IFT81: variants seen among roughly 807,000 people sequenced by gnomAD.
The protein encoded by IFT81 is intraflagellar transport protein 81 homolog.
Under a neutral mutation model 102.6 loss-of-function variants are expected in IFT81, and 72 were observed. The observed-to-expected ratio is 0.70, with a 90% CI of 0.58 to 0.85. The LOEUF is 0.85. Ranked by LOEUF, IFT81 falls within the 40% of genes least tolerant of loss-of-function variation. The probability of loss-of-function intolerance (pLI) is 0.00; values close to 1 mark genes in which losing one functional copy is unlikely to be tolerated. For missense variants in IFT81, 723 were observed against 787.3 expected (o/e 0.92, Z 0.98); for synonymous variants, 237 against 242.7 (o/e 0.98, Z 0.22).
rs768031017 is a variant in IFT81, at chr12:110,190,884, G to C, written c.1339-36G>C. ...TTCTTATGGGAGCCAGCAAGATTTT[G>C]ACATGTTTTGTGGCCTTTTTATTTT... On this transcript the variant is annotated intron_variant, in intron 12 of 18. Coordinates refer to ENST00000242591, the MANE Select transcript of IFT81 (RefSeq NM_014055.4). 4 of 1,454,850 alleles carry C rather than the reference G, an allele frequency of 2.7e-6. No homozygotes were observed. In the Admixed American group the frequency reaches 1.1e-4, roughly 39 times the overall value. The allele number at this position is 1,454,850 out of a possible 1,614,324, so 90.1% of individuals were successfully genotyped here. A position where few individuals can be genotyped will look rare whatever the true frequency, so the allele number is the denominator to read the frequency against.
At chr12:110,209,013 G>A (rs756021789) in intron 17 of IFT81, among the ~76,000 whole-genome samples, 158 bp from the exon 18 acceptor site, 1 of 151,870 alleles carries the variant, frequency 6.6e-6, no homozygotes, top group African/African-American at 2.4e-5. Context: ...CTAAAGATGG[G>A]GAAAGACAAA....
chr12:110,135,693 C>T (rs1327665259), intron 7 of IFT81, among the ~76,000 whole-genome samples: 1 of 151,720 alleles, frequency 6.6e-6, no homozygotes, highest in Non-Finnish European at 1.5e-5. Context: ...ACAGTGAAAC[C>T]CTGTCTGTAC....
chr12:110,159,664 G>C (rs1208643946), intron 10 of IFT81, among the ~76,000 whole-genome samples: 1 of 152,188 alleles, frequency 6.6e-6, no homozygotes, highest in African/African-American at 2.4e-5. Context: ...GTAAGAGGGG[G>C]AGGGACTTGC....
In IFT81 at chr12:110,135,337, C is replaced by G; in HGVS notation, c.596C>G (p.Ala199Gly). The G allele has an allele frequency of 6.2e-7, 1 of 1,609,508 alleles. No homozygotes were observed. Among genetic ancestry groups the G allele is most frequent in the African/African-American group, 1.3e-5 (1 of 74,804 alleles). ...ATTCCCTTACTGTAGGTTGAGACAG[C>G]TCAGAATCATCAATGGATGCTTAAA... ...VEHLKKRVET[A>G]QNHQWMLKIA... Residue 199 changes from alanine (A) to glycine (G), a missense_variant, in exon 7 of 19, where the codon GCT becomes GGT. Ala to Gly is a moderately conservative substitution (Grantham distance 60). Coordinates refer to ENST00000242591, the MANE Select transcript of IFT81 (RefSeq NM_014055.4).
intron 12 of IFT81, 23 bp from the exon 13 acceptor site, chr12:110,190,897 G>A (rs1300104516): frequency 6.7e-7 from 1 of 1,481,858 alleles, no homozygotes; most frequent in African/African-American, 1.4e-5. Flanking sequence ...ATGTTTTGTG[G>A]CCTTTTTATT....
intron 10 of IFT81, among the ~76,000 whole-genome samples, chr12:110,155,981 T>C (rs943517538): frequency 6.6e-6 from 1 of 152,222 alleles, no homozygotes; most frequent in Non-Finnish European, 1.5e-5. Context: ...CTTTCAGTTG[T>C]TCATGTCACA....
At chr12:110,139,800 C>CAATAA (rs1271952257) in intron 8 of IFT81, among the ~76,000 whole-genome samples, 11 of 89,630 alleles carry the variant, frequency 1.2e-4, no homozygotes, top group African/African-American at 2.6e-4. Context: ...TACATACATA[C>CAATAA]AATAAAATAA....
chr12:110,127,927 GT>G (rs1435735197), intron 2 of IFT81, 118 bp from the exon 3 acceptor site: 1 of 694,716 alleles, frequency 1.4e-6, no homozygotes, highest in Non-Finnish European at 2.5e-6. Flanking sequence ...TCCTTAATCT[GT>G]TTTATGAAGA....
chr12:110,153,243 T>C (rs1283641462), intron 10 of IFT81, among the ~76,000 whole-genome samples: 1 of 152,218 alleles, frequency 6.6e-6, no homozygotes, highest in Non-Finnish European at 1.5e-5. Context: ...TTTTTACTGT[T>C]TTATTTTTGA....
At chr12:110,162,331 C>CTTTTTTTTTTTTTTTTTTTTTTTTT (rs1160267123) in intron 10 of IFT81, 3 of 100,078 alleles carry the variant, frequency 3.0e-5, no homozygotes, top group African/African-American at 4.3e-5. Context: ...TAATATTTTT[C>CTTTTTTTTTTTTTTTTTTTTTTTTT]TTTTTTTTTT....
At chr12:110,169,779 G>C (rs1433502953) in intron 11 of IFT81, among the ~76,000 whole-genome samples, 1 of 151,064 alleles carries the variant, frequency 6.6e-6, no homozygotes, top group Non-Finnish European at 1.5e-5. Context: ...GCCAGGCTGG[G>C]CTTGAACTCC....
At chr12:110,184,655 C>T (rs1278543577) in intron 12 of IFT81, among the ~76,000 whole-genome samples, 1 of 152,202 alleles carries the variant, frequency 6.6e-6, no homozygotes, top group Non-Finnish European at 1.5e-5. Flanking sequence ...ACAGGTCTGA[C>T]ACCTGTGAAA....
intron 18 of IFT81, among the ~76,000 whole-genome samples, chr12:110,217,696 G>A (rs1049827398): frequency 6.6e-6 from 1 of 152,000 alleles, no homozygotes; most frequent in Non-Finnish European, 1.5e-5. Context: ...CGAGTAGCTG[G>A]GACTACAGGC....
At chr12:110,151,790 G>A (rs1256921030) in intron 10 of IFT81, among the ~76,000 whole-genome samples, 2 of 152,002 alleles carry the variant, frequency 1.3e-5, no homozygotes, top group Non-Finnish European at 2.9e-5. Context: ...TGTATCCTTT[G>A]ACCAGTATCT....
At position 110,143,427 on chromosome 12, in the gene IFT81, T is replaced by C. The variant is rs368690243; in HGVS notation, c.827T>C (p.Met276Thr). 2.7e-6 allele frequency: 4 copies of C among 1,493,448 alleles called. No individual in the cohort carries two copies. Among genetic ancestry groups the C allele is most frequent in the African/African-American group, 2.9e-5 (2 of 69,178 alleles). The allele number at this position is 1,493,448 out of a possible 1,614,324, so 92.5% of individuals were successfully genotyped here. ...LEEEIKFNLY[M>T]VTEKFPKELE... ...GAGGAGATAAAATTTAATTTATATA[T>C]GGTAACTGAAAAATTTCCTAAAGAA... is the stretch of plus-strand genomic sequence containing the variant. The change falls in exon 9 of 19, where the codon ATG (methionine) becomes ACG (threonine). Residue 276 changes from methionine to threonine, a missense_variant. Met to Thr is a moderately conservative substitution (Grantham distance 81). Transcript: ENST00000242591.
intron 11 of IFT81, among the ~76,000 whole-genome samples, chr12:110,172,472 A>G (rs1896786892): frequency 1.3e-5 from 2 of 151,990 alleles, no homozygotes; most frequent in African/African-American, 4.8e-5. Flanking sequence ...ATCTCGGCTC[A>G]CTGCAACCTC....
At chr12:110,205,709 A>G in intron 17 of IFT81, 29 bp downstream of exon 17, 2 of 1,354,806 alleles carry the variant, frequency 1.5e-6, no homozygotes, top group Middle Eastern at 2.0e-4. Flanking sequence ...TTATATTGAG[A>G]TACTTAATAT....
intron 10 of IFT81, among the ~76,000 whole-genome samples, chr12:110,152,665 T>A (rs1270395260): frequency 6.6e-6 from 1 of 151,556 alleles, no homozygotes; most frequent in Non-Finnish European, 1.5e-5. Context: ...CTGGAGTGTG[T>A]CATCATAGCT....
At chr12:110,174,703 C>T (rs917193651) in intron 11 of IFT81, among the ~76,000 whole-genome samples, 4 of 152,136 alleles carry the variant, frequency 2.6e-5, no homozygotes, top group Non-Finnish European at 5.9e-5. Flanking sequence ...TGGTTACATT[C>T]TTAGAGAAAT....
Sources: allele counts gnomAD v4.1 joint callset (sites outside exome capture counted in the v4.1 genomes callset), GRCh38; gene constraint gnomAD v4.1.1; transcripts MANE v1.5; gene names NCBI Gene and HGNC (gene_info 2026-07-23, HGNC 2026-07-21).